Variants in EPB41L3 observed in about 807,000 individuals in gnomAD.
EPB41L3 encodes band 4.1-like protein 3.
Under a neutral mutation model 127.1 loss-of-function variants are expected in EPB41L3, and 57 were observed. The ratio of observed to expected loss-of-function variants is 0.45; its 90% confidence interval spans 0.36 to 0.56. The LOEUF is 0.56. Ranked by LOEUF, EPB41L3 falls within the 20% of genes least tolerant of loss-of-function variation. The pLI, the probability that EPB41L3 is intolerant of heterozygous loss-of-function variation, is 0.00. For missense variants in EPB41L3, 1,273 were observed against 1,372.2 expected (o/e 0.93, Z 1.14); for synonymous variants, 572 against 549.5 (o/e 1.04, Z -0.57).
intron 3 of EPB41L3, among the ~76,000 whole-genome samples, chr18:5,452,878 A>G (rs1568240417): frequency 2.0e-5 from 3 of 152,190 alleles, no homozygotes; most frequent in Admixed American, 1.3e-4. Context: ...TCACATTACT[A>G]AAGAATGACC....
chr18:5,624,377 A>G (rs2094899137), intron 1 of EPB41L3, among the ~76,000 whole-genome samples: 1 of 152,178 alleles, frequency 6.6e-6, no homozygotes, highest in Non-Finnish European at 1.5e-5. Context: ...CCCAATCACT[A>G]TCAGCTAGAC....
chr18:5,518,552 G>A (rs1305715526), intron 1 of EPB41L3: 1 of 152,226 alleles, frequency 6.6e-6, no homozygotes, highest in African/African-American at 2.4e-5. Context: ...CAGAACAGCA[G>A]GGGTTTGTAT....
intron 3 of EPB41L3, among the ~76,000 whole-genome samples, chr18:5,572,427 G>C (rs578002761): frequency 1.3e-5 from 2 of 152,222 alleles, no homozygotes; most frequent in East Asian, 3.9e-4. Context: ...GGAATAATTG[G>C]GATGCCTACC....
At chr18:5,623,169 A>T (rs1347717607) in intron 1 of EPB41L3, among the ~76,000 whole-genome samples, 1 of 152,158 alleles carries the variant, frequency 6.6e-6, no homozygotes, top group Non-Finnish European at 1.5e-5. Flanking sequence ...ATGGAACAGC[A>T]TTTTGATATG....
At chr18:5,443,942 T>C (rs1375121470) in intron 4 of EPB41L3, 62 bp from the exon 5 acceptor site, 1 of 1,416,064 alleles carries the variant, frequency 7.1e-7, no homozygotes, top group Non-Finnish European at 9.9e-7. Flanking sequence ...TTAATGTTGA[T>C]TAGGTACAGA....
chr18:5,478,863 A>C (rs2087798055), intron 2 of EPB41L3, among the ~76,000 whole-genome samples: 1 of 152,196 alleles, frequency 6.6e-6, no homozygotes, highest in Non-Finnish European at 1.5e-5. Flanking sequence ...CCTCATCCCT[A>C]CATATACAAG....
At chr18:5,569,621 T>G (rs548430779) in intron 3 of EPB41L3, among the ~76,000 whole-genome samples, 2 of 152,318 alleles carry the variant, frequency 1.3e-5, no homozygotes, top group East Asian at 3.9e-4. Context: ...GACTCTCTCT[T>G]ACATGGAAAA....
At chr18:5,445,932 A>C (rs1483949623) in intron 3 of EPB41L3, among the ~76,000 whole-genome samples, 1 of 151,898 alleles carries the variant, frequency 6.6e-6, no homozygotes, top group Non-Finnish European at 1.5e-5. Context: ...ACCATCCTCC[A>C]CCCCAGTCCA....
chr18:5,443,450 G>A (rs1000780531), intron 5 of EPB41L3, among the ~76,000 whole-genome samples: 2 of 152,214 alleles, frequency 1.3e-5, no homozygotes, highest in African/African-American at 4.8e-5. Context: ...GTTGTTACCA[G>A]ACAGTAAACC....
intron 3 of EPB41L3, among the ~76,000 whole-genome samples, chr18:5,597,619 T>A (rs147097018): frequency 6.6e-6 from 1 of 152,306 alleles, no homozygotes; most frequent in Non-Finnish European, 1.5e-5. Context: ...TCTATTTTGT[T>A]ATAATAACCA....
At chr18:5,489,713 AT>A (rs1435932657) in intron 1 of EPB41L3, among the ~76,000 whole-genome samples, 1 of 152,156 alleles carries the variant, frequency 6.6e-6, no homozygotes, top group African/African-American at 2.4e-5. Context: ...TAATCCAGTT[AT>A]CCCTCTTTGA....
At chr18:5,525,908 G>C (rs2093204835) in intron 1 of EPB41L3, among the ~76,000 whole-genome samples, 1 of 151,984 alleles carries the variant, frequency 6.6e-6, no homozygotes, top group Non-Finnish European at 1.5e-5. Context: ...TCTTCTATTG[G>C]AGAAACAACC....
chr18:5,415,790 G>T (rs1046235257), intron 13 of EPB41L3, 28 bp downstream of exon 13: 1 of 1,593,526 alleles, frequency 6.3e-7, no homozygotes. Context: ...ACACGAAGGG[G>T]AAGCGTGTTC....
intron 1 of EPB41L3, among the ~76,000 whole-genome samples, chr18:5,529,517 C>G (rs2093343599): frequency 6.6e-6 from 1 of 152,096 alleles, no homozygotes; most frequent in Non-Finnish European, 1.5e-5. Flanking sequence ...AATCAGTGCA[C>G]AAGCTTGGAA....
chr18:5,420,015 GA>G (rs3833866), intron 11 of EPB41L3, 138 bp from the exon 12 acceptor site: 62 of 1,454,898 alleles, frequency 4.3e-5, no homozygotes, highest in Admixed American at 2.7e-4. Flanking sequence ...TATCTTTACT[GA>G]AAAAAAAAAT....
rs548158181 is a variant in EPB41L3 at position 5,503,641 on chromosome 18, G to A, written c.-11-14447C>T. ...GGCCCCTCTCCACCTCAAAGCTACT[G>A]AATAGCTGCATTTGAAGACAGAAAT... On this transcript the variant is annotated intron_variant, in intron 1 of 22. Transcript: ENST00000341928. Among the ~76,000 whole-genome samples, 8 of 152,302 alleles carry A rather than the reference G, an allele frequency of 5.3e-5. No individual in the cohort carries two copies. The East Asian group carries it at 1.5e-3, about 29-fold the overall frequency.
At chr18:5,541,102 A>G (rs1457628672) in intron 1 of EPB41L3, among the ~76,000 whole-genome samples, 4 of 148,964 alleles carry the variant, frequency 2.7e-5, no homozygotes, top group African/African-American at 9.8e-5. Context: ...AAAAAAAAAA[A>G]GCTAGCAGGG....
chr18:5,480,531 ATGTTCT>A (rs2088241326), intron 2 of EPB41L3, among the ~76,000 whole-genome samples: 1 of 152,162 alleles, frequency 6.6e-6, no homozygotes, highest in Non-Finnish European at 1.5e-5. Flanking sequence ...AGCCAAACCC[ATGTTCT>A]AATCGTTACT....
chr18:5,605,055 A>G (rs1468829859), intron 3 of EPB41L3, among the ~76,000 whole-genome samples: 1 of 151,982 alleles, frequency 6.6e-6, no homozygotes, highest in Non-Finnish European at 1.5e-5. Flanking sequence ...CCTCCTGGGG[A>G]GGGCCAACAT....
Sources: allele counts gnomAD v4.1 joint callset (sites outside exome capture counted in the v4.1 genomes callset), GRCh38; gene constraint gnomAD v4.1.1; transcripts MANE v1.5; gene names NCBI Gene and HGNC (gene_info 2026-07-23, HGNC 2026-07-21).